PDE3A: variants seen among roughly 807,000 people sequenced by gnomAD.
PDE3A encodes the protein phosphodiesterase 3A.
PDE3A carries 43 observed loss-of-function variants against 98.3 expected under a neutral mutation model. That is an observed-to-expected ratio of 0.44 (90% CI 0.34 to 0.56). PDE3A has a LOEUF of 0.56. PDE3A is among the 20% of genes least tolerant of loss of function. PDE3A has a pLI of 0.01. For missense variants in PDE3A, 1,427 were observed against 1,440.7 expected (o/e 0.99, Z 0.15); for synonymous variants, 663 against 567.9 (o/e 1.17, Z -2.38).
chr12:20,472,179 T>C (rs1287351001), intron 1 of PDE3A, among the ~76,000 whole-genome samples: 11 of 152,162 alleles, frequency 7.2e-5, no homozygotes, highest in Non-Finnish European at 1.6e-4. Context: ...ATTTTCAACA[T>C]GTTTCCTAGG....
intron 2 of PDE3A, among the ~76,000 whole-genome samples, chr12:20,566,597 T>TAAAC (rs1396944822): frequency 6.6e-6 from 1 of 151,612 alleles, no homozygotes; most frequent in African/African-American, 2.4e-5. Flanking sequence ...ATCACAAAAA[T>TAAAC]AAACTACATC....
chr12:20,614,689 G>GTATT (rs1943956141), intron 3 of PDE3A, among the ~76,000 whole-genome samples: 1 of 152,132 alleles, frequency 6.6e-6, no homozygotes, highest in Non-Finnish European at 1.5e-5. Context: ...AAGAAATCTG[G>GTATT]TATTTAAGAG....
At chr12:20,598,942 C>T (rs543929986) in intron 2 of PDE3A, among the ~76,000 whole-genome samples, 2 of 152,282 alleles carry the variant, frequency 1.3e-5, no homozygotes, top group East Asian at 1.9e-4. Flanking sequence ...CTTAATCTTC[C>T]TCAAGCACTG....
intron 14 of PDE3A, 36 bp downstream of exon 14, chr12:20,650,636 C>A: frequency 4.3e-6 from 6 of 1,382,448 alleles, no homozygotes; most frequent in Non-Finnish European, 6.1e-6. Flanking sequence ...TTAATCTGTA[C>A]TTACAGGTTG....
At chr12:20,610,740 T>C (rs1440830632) in intron 2 of PDE3A, among the ~76,000 whole-genome samples, 2 of 151,904 alleles carry the variant, frequency 1.3e-5, no homozygotes, top group Non-Finnish European at 2.9e-5. Context: ...TGCCATAACA[T>C]AGATGGACCT....
At chr12:20,446,148 A>T (rs996332942) in intron 1 of PDE3A, among the ~76,000 whole-genome samples, 4 of 152,118 alleles carry the variant, frequency 2.6e-5, no homozygotes, top group Non-Finnish European at 2.9e-5. Flanking sequence ...CCAAAGCAAA[A>T]CTAGGAATTT....
At chr12:20,543,444 C>T (rs1462192288) in intron 1 of PDE3A, among the ~76,000 whole-genome samples, 1 of 151,914 alleles carries the variant, frequency 6.6e-6, no homozygotes, top group African/African-American at 2.4e-5. Context: ...AAAGAGTAGC[C>T]TTTTGCTACT....
chr12:20,566,398 C>G (rs1027933089), intron 2 of PDE3A, among the ~76,000 whole-genome samples: 8 of 151,936 alleles, frequency 5.3e-5, no homozygotes, highest in Admixed American at 6.6e-5. Context: ...CCACTTGGAT[C>G]TCTACAACTA....
intron 1 of PDE3A, among the ~76,000 whole-genome samples, chr12:20,511,843 C>G (rs931341910): frequency 2.0e-5 from 3 of 151,972 alleles, no homozygotes; most frequent in African/African-American, 7.2e-5. Flanking sequence ...ATCAAGGTGA[C>G]CATCACAATA....
chr12:20,481,148 G>A (rs1437324972), intron 1 of PDE3A, among the ~76,000 whole-genome samples: 1 of 152,160 alleles, frequency 6.6e-6, no homozygotes, highest in Non-Finnish European at 1.5e-5. Context: ...CTTGATGAAG[G>A]CAAAGTAGAT....
At chr12:20,659,478 T>C (rs1945111527) in intron 15 of PDE3A, among the ~76,000 whole-genome samples, 1 of 152,224 alleles carries the variant, frequency 6.6e-6, no homozygotes, top group African/African-American at 2.4e-5. Flanking sequence ...TTTTCTTTTT[T>C]TTCTTGCTCC....
chr12:20,560,203 C>T (rs1306263016), intron 2 of PDE3A, among the ~76,000 whole-genome samples: 2 of 152,120 alleles, frequency 1.3e-5, no homozygotes, highest in Non-Finnish European at 1.5e-5. Flanking sequence ...GCTAATCATA[C>T]AGGAGATAAT....
intron 1 of PDE3A, among the ~76,000 whole-genome samples, chr12:20,525,039 G>A (rs1946490647): frequency 6.6e-6 from 1 of 152,154 alleles, no homozygotes; most frequent in South Asian, 2.1e-4. Context: ...GGCTGAGGCA[G>A]GAGAATCGCT....
At chr12:20,516,167 G>A (rs947566411) in intron 1 of PDE3A, among the ~76,000 whole-genome samples, 3 of 152,050 alleles carry the variant, frequency 2.0e-5, no homozygotes, top group African/African-American at 7.2e-5. Flanking sequence ...GTGAAGACAA[G>A]CATACTTTTT....
intron 15 of PDE3A, among the ~76,000 whole-genome samples, chr12:20,667,888 G>C (rs1033312604): frequency 1.3e-5 from 2 of 152,194 alleles, no homozygotes; most frequent in Admixed American, 1.3e-4. Flanking sequence ...ACAGCTCCCA[G>C]CGTGGTGGAT....
At chr12:20,428,256 GA>G (rs1944633803) in intron 1 of PDE3A, among the ~76,000 whole-genome samples, 1 of 152,014 alleles carries the variant, frequency 6.6e-6, no homozygotes, top group South Asian at 2.1e-4. Flanking sequence ...ATGTAATTCT[GA>G]AAAAAATTAA....
intron 1 of PDE3A, among the ~76,000 whole-genome samples, chr12:20,484,452 A>T (rs1266066364): frequency 6.6e-6 from 1 of 152,122 alleles, no homozygotes; most frequent in Non-Finnish European, 1.5e-5. Flanking sequence ...TTCTCATCAT[A>T]TTGGGTAAGG....
At chr12:20,594,692 T>A (rs948077949) in intron 2 of PDE3A, among the ~76,000 whole-genome samples, 2 of 152,110 alleles carry the variant, frequency 1.3e-5, no homozygotes, top group Non-Finnish European at 2.9e-5. Flanking sequence ...ATTATTAATT[T>A]GCCTCTAGGA....
intron 1 of PDE3A, among the ~76,000 whole-genome samples, chr12:20,423,643 G>A (rs764853626): frequency 6.8e-4 from 103 of 152,074 alleles, no homozygotes; most frequent in Admixed American, 7.2e-4. Flanking sequence ...TTTAGAGCTG[G>A]TGAGTGGCTA....
Sources: gnomAD v4.1 joint callset for allele counts (sites outside exome capture counted in the v4.1 genomes callset) on GRCh38, gnomAD v4.1.1 for gene constraint, MANE v1.5 for transcripts, NCBI Gene and HGNC (gene_info 2026-07-23, HGNC 2026-07-21) for gene names.